The following NELL2 variants were observed in gnomAD, a reference collection of about 807,000 sequenced individuals.
The protein encoded by NELL2 is protein kinase C-binding protein NELL2.
Under a neutral mutation model 109.6 loss-of-function variants are expected in NELL2, and 41 were observed. The ratio of observed to expected loss-of-function variants is 0.37; its 90% CI spans 0.29 to 0.49. The LOEUF (loss-of-function observed/expected upper bound fraction) is 0.49. NELL2 is among the 20% of genes least tolerant of loss of function. The pLI, the probability that NELL2 is intolerant of heterozygous loss-of-function variation, is 0.98. For missense variants in NELL2, 900 were observed against 1,008.3 expected, an observed-to-expected ratio of 0.89 and a Z score of 1.45; for synonymous variants, 355 against 344.7, an observed-to-expected ratio of 1.03 and a Z score of -0.33.
intron 12 of NELL2, among the ~76,000 whole-genome samples, chr12:44,696,489 TC>T (rs1949066461): frequency 6.6e-6 from 1 of 152,206 alleles, no homozygotes; most frequent in South Asian, 2.1e-4. Flanking sequence ...ATAGTTGAGG[TC>T]CTTTTAATGT....
intron 15 of NELL2, among the ~76,000 whole-genome samples, chr12:44,583,172 G>GGTAC (rs1424446799): frequency 2.6e-5 from 4 of 152,134 alleles, no homozygotes; most frequent in African/African-American, 9.7e-5. Context: ...AGCCAAGGAA[G>GGTAC]GTACGGTGGA....
intron 2 of NELL2, among the ~76,000 whole-genome samples, chr12:44,845,300 A>G (rs552360784): frequency 6.6e-6 from 1 of 152,346 alleles, no homozygotes; most frequent in East Asian, 1.9e-4. Flanking sequence ...ATCAAGTATT[A>G]TAATTCCTGA....
chr12:44,567,345 C>T (rs1021860864), intron 15 of NELL2, among the ~76,000 whole-genome samples: 1 of 152,154 alleles, frequency 6.6e-6, no homozygotes, highest in East Asian at 1.9e-4. Flanking sequence ...CCTGTAAAAA[C>T]TATGATCAAA....
intron 1 of NELL2, 92 bp from the exon 2 acceptor site, chr12:44,875,445 C>T: frequency 6.2e-7 from 1 of 1,613,842 alleles, no homozygotes; most frequent in Non-Finnish European, 8.5e-7. Flanking sequence ...ACCGCGTTTT[C>T]GCGACAATAT....
intron 3 of NELL2, among the ~76,000 whole-genome samples, chr12:44,791,108 T>TAC (rs1491303180): frequency 1.6e-4 from 3 of 18,790 alleles, no homozygotes; most frequent in East Asian, 7.9e-4. Context: ...TATATATATA[T>TAC]GTATATATAT....
At chr12:44,517,457 A>G (rs1941331949) in intron 19 of NELL2, among the ~76,000 whole-genome samples, 1 of 147,128 alleles carries the variant, frequency 6.8e-6, no homozygotes, top group East Asian at 2.0e-4. Flanking sequence ...CCTTCCCCGA[A>G]GCAGACCATG....
chr12:44,895,771 A>G (rs1353028481), intron 1 of NELL2, among the ~76,000 whole-genome samples: 1 of 152,152 alleles, frequency 6.6e-6, no homozygotes, highest in Non-Finnish European at 1.5e-5. Flanking sequence ...CCCAGGGCAC[A>G]TTCTTCCACC....
In NELL2 at chr12:44,875,294, C is replaced by G; in HGVS notation, c.115G>C (p.Gly39Arg). The G allele has an allele frequency of 6.2e-7, 1 of 1,614,114 alleles. No individual in the cohort carries two copies. Among genetic ancestry groups the G allele is most frequent in the Non-Finnish European group, 8.5e-7 (1 of 1,180,028 alleles). ...TGACGCACTCCGGTCGTGGACTCCC[C>G]AAGTTCTAACTCTGTTAAGACGTCA... ...QIDVLTELELGESTTGVRQVP... is the reference protein window; with the variant it reads ...QIDVLTELELRESTTGVRQVP... The change falls in exon 2 of 20, where the codon GGG becomes CGG. Residue 39 changes from glycine to arginine, a missense_variant. Gly to Arg is a moderately radical substitution (Grantham distance 125). Transcript: ENST00000429094.
At chr12:44,668,698 C>G (rs957066416) in intron 12 of NELL2, among the ~76,000 whole-genome samples, 1 of 152,080 alleles carries the variant, frequency 6.6e-6, no homozygotes, top group Non-Finnish European at 1.5e-5. Flanking sequence ...AAGGACAGGC[C>G]TACCCCACCC....
intron 13 of NELL2, among the ~76,000 whole-genome samples, chr12:44,629,756 C>T (rs1335388113): frequency 6.6e-6 from 1 of 152,196 alleles, no homozygotes; most frequent in Non-Finnish European, 1.5e-5. Flanking sequence ...TCATCACCAA[C>T]CACAGAAGCT....
chr12:44,869,968 A>G (rs1295591083), intron 2 of NELL2, among the ~76,000 whole-genome samples: 1 of 152,108 alleles, frequency 6.6e-6, no homozygotes, highest in Non-Finnish European at 1.5e-5. Flanking sequence ...CACCTTCAAC[A>G]CTTTTGTTGC....
Position 44,774,760 on chromosome 12 carries a change from A to G in NELL2, c.981T>C (p.Cys327=). 3 of 1,613,710 alleles carry G rather than the reference A, an allele frequency of 1.9e-6. No homozygotes were observed. In the Admixed American group the frequency reaches 5.0e-5, roughly 27 times the overall value. Residue 327 remains cysteine, a synonymous_variant, in exon 9 of 20, where the codon TGT becomes TGC. Transcript: ENST00000429094. ...SALAYVDGKC[C]KECKSICQFQ... is the part of the protein sequence containing the mutation. ...AGTTATGCTCACATTTGCATTCCTT[A>G]CAGCATTTGCCATCCACATACGCAA... is the stretch of plus-strand genomic sequence containing the variant.
At chr12:44,619,778 G>A (rs1945978885) in intron 13 of NELL2, among the ~76,000 whole-genome samples, 2 of 152,106 alleles carry the variant, frequency 1.3e-5, no homozygotes, top group African/African-American at 4.8e-5. Flanking sequence ...GGACAGAAGA[G>A]GAATCATCGG....
chr12:44,532,502 G>A (rs960870057), intron 16 of NELL2, 79 bp downstream of exon 16: 2 of 1,409,198 alleles, frequency 1.4e-6, no homozygotes, highest in Admixed American at 2.1e-5. Flanking sequence ...TTGGCTCAAT[G>A]TCTTCTATTT....
intron 3 of NELL2, among the ~76,000 whole-genome samples, chr12:44,796,385 G>A (rs1942621761): frequency 6.6e-6 from 1 of 152,094 alleles, no homozygotes; most frequent in Non-Finnish European, 1.5e-5. Context: ...TGATTATCTA[G>A]TTTGAATATA....
intron 9 of NELL2, among the ~76,000 whole-genome samples, chr12:44,718,679 C>A (rs912716863): frequency 6.6e-6 from 1 of 152,202 alleles, no homozygotes; most frequent in African/African-American, 2.4e-5. Context: ...TGTGTATATA[C>A]TTTAAGATAT....
intron 12 of NELL2, among the ~76,000 whole-genome samples, chr12:44,701,729 C>T (rs1255219005): frequency 6.6e-6 from 1 of 152,112 alleles, no homozygotes; most frequent in Non-Finnish European, 1.5e-5. Context: ...TCCAGGCCAT[C>T]AACATCTTTA....
At chr12:44,571,477 A>T (rs1435114635) in intron 15 of NELL2, among the ~76,000 whole-genome samples, 1 of 152,180 alleles carries the variant, frequency 6.6e-6, no homozygotes, top group Admixed American at 6.5e-5. Context: ...TTATTTTTTC[A>T]CAGGTTTATT....
At chr12:44,750,153 CAG>C (rs1313033250) in intron 9 of NELL2, among the ~76,000 whole-genome samples, 1 of 152,072 alleles carries the variant, frequency 6.6e-6, no homozygotes, top group Non-Finnish European at 1.5e-5. Context: ...AACCACCCAG[CAG>C]AGATTATGTT....
Sources: gnomAD v4.1 joint callset for allele counts (sites outside exome capture counted in the v4.1 genomes callset) on GRCh38, gnomAD v4.1.1 for gene constraint, MANE v1.5 for transcripts, NCBI Gene and HGNC (gene_info 2026-07-23, HGNC 2026-07-21) for gene names.